Variants in MLPH observed in about 807,000 individuals in gnomAD.
MLPH encodes the protein melanophilin, also known as exophilin-3.
MLPH carries 51 observed loss-of-function variants against 72.1 expected under a neutral mutation model. That is an observed-to-expected ratio of 0.71 (90% CI 0.56 to 0.89). The LOEUF (loss-of-function observed/expected upper bound fraction) is 0.89. MLPH is among the 40% of genes least tolerant of loss of function. MLPH has a pLI of 0.00. For synonymous variants in MLPH, 301 were observed against 310.1 expected, an observed-to-expected ratio of 0.97 and a Z score of 0.31; for missense variants, 743 against 759.9, an observed-to-expected ratio of 0.98 and a Z score of 0.26.
At chr2:237,514,144 G>T (rs918959369) in intron 4 of MLPH, among the ~76,000 whole-genome samples, 1 of 152,174 alleles carries the variant, frequency 6.6e-6, no homozygotes, top group African/African-American at 2.4e-5. Flanking sequence ...ACCTAGCAAG[G>T]TCTGTCTGCC....
At chr2:237,489,489 C>G (rs1475620402) in intron 1 of MLPH, among the ~76,000 whole-genome samples, 1 of 152,138 alleles carries the variant, frequency 6.6e-6, no homozygotes, top group Non-Finnish European at 1.5e-5. Flanking sequence ...GGGGTCAGTG[C>G]CTACTGATGG....
chr2:237,528,983 TTATA>T (rs1321704170), intron 8 of MLPH, among the ~76,000 whole-genome samples: 1 of 152,208 alleles, frequency 6.6e-6, no homozygotes, highest in African/African-American at 2.4e-5. Flanking sequence ...TGATCAAGTA[TTATA>T]TATTTTACAA....
rs757056284 is a variant in MLPH, at chr2:237,525,684, G to A, written c.759G>A (p.Gly253=). The A allele has an allele frequency of 1.2e-6, 2 of 1,614,062 alleles. No individual in the cohort carries two copies. The highest frequency in any genetic ancestry group is 2.7e-5 in the African/African-American group (2 of 74,942). Residue 253 remains glycine (G), a synonymous_variant, in exon 7 of 16, where the codon GGG becomes GGA. Transcript: ENST00000264605. ...AGGAGGCTGATACTGGGGCCTCTGGGTGCCACTCCCATCCGGAAGAGCAGC... is the reference window on the plus strand; with the variant it reads ...AGGAGGCTGATACTGGGGCCTCTGGATGCCACTCCCATCCGGAAGAGCAGC... ...GLEEADTGAS[G]CHSHPEEQPT... is the part of the protein sequence containing the mutation.
At chr2:237,501,034 A>C (rs2079636453) in intron 2 of MLPH, among the ~76,000 whole-genome samples, 1 of 151,554 alleles carries the variant, frequency 6.6e-6, no homozygotes, top group South Asian at 2.1e-4. Context: ...CTTCCATCAC[A>C]TTTACGATGA....
intron 2 of MLPH, among the ~76,000 whole-genome samples, chr2:237,495,574 G>A (rs1237665718): frequency 3.3e-5 from 5 of 152,202 alleles, no homozygotes; most frequent in East Asian, 1.9e-4. Flanking sequence ...GCAACAAACC[G>A]TTAGGTGAAG....
chr2:237,517,349 G>A (rs76605518), intron 4 of MLPH, among the ~76,000 whole-genome samples: 30,426 of 150,816 alleles, frequency 0.2, 3,654 homozygotes, highest in African/African-American at 0.34. Flanking sequence ...GTGGATGGGC[G>A]GATAGATAGG....
chr2:237,541,296 T>A lies in MLPH; in HGVS notation c.1446+339T>A, dbSNP rs1308739119. Among the ~76,000 whole-genome samples the A allele has an allele frequency of 6.6e-6, 1 of 152,160 alleles. No individual in the cohort carries two copies. Among genetic ancestry groups the A allele is most frequent in the East Asian group, 1.9e-4 (1 of 5,192 alleles). On this transcript the variant is annotated intron_variant, in intron 11 of 15. Transcript: ENST00000264605. The surrounding 1 kb of genome is among the most constrained non-coding windows in gnomAD (Gnocchi z 5.1). Reference sequence around the variant, plus strand: ...CTGGAATTTAGGACAGCCCCAGACCTCAGCACTGGACTCTGTCCGGAGGGC... The same window carrying A: ...CTGGAATTTAGGACAGCCCCAGACCACAGCACTGGACTCTGTCCGGAGGGC...
chr2:237,523,832 T>TA (rs1320229370), intron 6 of MLPH, among the ~76,000 whole-genome samples: 25 of 152,126 alleles, frequency 1.6e-4, no homozygotes, highest in Non-Finnish European at 3.2e-4. Flanking sequence ...AGATTACTGA[T>TA]AGCGGGTAAA....
intron 6 of MLPH, among the ~76,000 whole-genome samples, chr2:237,524,308 T>TAGAAATAAATAATA (rs2080254975): frequency 6.9e-6 from 1 of 145,286 alleles, no homozygotes; most frequent in African/African-American, 2.8e-5. Context: ...ATAGAATATA[T>TAGAAATAAATAATA]ATATATATAT....
chr2:237,546,533 G>A, intron 12 of MLPH, 73 bp from the exon 13 acceptor site: 3 of 1,317,162 alleles, frequency 2.3e-6, no homozygotes, highest in Non-Finnish European at 3.3e-6. Context: ...CTTACATCCA[G>A]CTGACCCATG....
At chr2:237,540,999 C>T (rs1261904843) in intron 11 of MLPH, 42 bp downstream of exon 11, 11 of 1,571,062 alleles carry the variant, frequency 7.0e-6, no homozygotes, top group Non-Finnish European at 9.5e-6. Flanking sequence ...TCCACAAACA[C>T]AGATGGTGAC....
At chr2:237,520,143 C>A in intron 6 of MLPH, 114 bp downstream of exon 6, 2 of 1,400,026 alleles carry the variant, frequency 1.4e-6, no homozygotes, top group Non-Finnish European at 2.0e-6. Context: ...CCACACAGTC[C>A]CACCTGGCTC....
chr2:237,516,261 C>G (rs2080014901), intron 4 of MLPH, among the ~76,000 whole-genome samples: 1 of 152,220 alleles, frequency 6.6e-6, no homozygotes, highest in Admixed American at 6.5e-5. Flanking sequence ...GGTCCCTTTC[C>G]TAAATCACTT....
intron 2 of MLPH, among the ~76,000 whole-genome samples, chr2:237,503,624 C>T (rs1157309056): frequency 6.6e-6 from 1 of 152,158 alleles, no homozygotes; most frequent in Non-Finnish European, 1.5e-5. Flanking sequence ...ATCTTTTGTG[C>T]TCCAGTCCCC....
chr2:237,523,323 A>T (rs1487898348), intron 6 of MLPH, among the ~76,000 whole-genome samples: 2 of 152,216 alleles, frequency 1.3e-5, no homozygotes, highest in Non-Finnish European at 2.9e-5. Context: ...AGGTAACAGT[A>T]ATTGGTAAGA....
rs753549789 is a variant in MLPH, at chr2:237,493,524, A to G, written c.98A>G (p.Glu33Gly). ...GATTTTGACCTCCGAAGGAAAGAAG[A>G]GGAACGGCTAGAGTGAGTGTGCCGT... ...QRDFDLRRKEEERLEALKGKI... is the reference protein window; with the variant it reads ...QRDFDLRRKEGERLEALKGKI... The change falls in exon 2 of 16, where the codon GAG becomes GGG. Residue 33 changes from glutamate (E) to glycine (G), a missense_variant. Physicochemically the swap from Glu to Gly is moderately conservative, Grantham distance 98. Coordinates refer to ENST00000264605, the MANE Select transcript of MLPH (RefSeq NM_024101.7). 4.3e-6 allele frequency: 7 copies of G among 1,613,344 alleles called. No homozygotes were observed.
At chr2:237,550,845 G>A (rs994107812) in intron 14 of MLPH, among the ~76,000 whole-genome samples, 15 of 152,090 alleles carry the variant, frequency 9.9e-5, no homozygotes, top group South Asian at 2.1e-4. Context: ...CACCGTGCCC[G>A]GCCAAGAGAT....
chr2:237,495,433 T>C (rs2079515338), intron 2 of MLPH, among the ~76,000 whole-genome samples: 1 of 152,142 alleles, frequency 6.6e-6, no homozygotes. Flanking sequence ...GAGACCGCAC[T>C]GGAAGGGAAT....
intron 2 of MLPH, among the ~76,000 whole-genome samples, chr2:237,501,426 C>T (rs1422727700): frequency 1.3e-5 from 2 of 151,720 alleles, no homozygotes; most frequent in Non-Finnish European, 2.9e-5. Context: ...TTAGCATTCG[C>T]GGGTCTATCT....
Sources: gnomAD v4.1 joint callset for allele counts (sites outside exome capture counted in the v4.1 genomes callset) on GRCh38, gnomAD v4.1.1 for gene constraint, Gnocchi (gnomAD v3.1) non-coding constraint, MANE v1.5 for transcripts, NCBI Gene and HGNC (gene_info 2026-07-23, HGNC 2026-07-21) for gene names.